Variants in STON1 observed in about 807,000 individuals in gnomAD.
STON1 encodes the protein stonin-1.
Under a neutral mutation model 60.9 loss-of-function variants are expected in STON1, and 79 were observed. The ratio of observed to expected loss-of-function variants is 1.30; its 90% CI spans 1.08 to 1.56. The LOEUF (loss-of-function observed/expected upper bound fraction) is 1.56, where lower values mean the gene tolerates loss of function less well. Among genes scored for constraint, STON1 ranks in the 40% most tolerant of loss-of-function variants. The pLI is 0.00. For synonymous variants in STON1, 363 were observed against 306.9 expected, an observed-to-expected ratio of 1.18 and a Z score of -1.91; for missense variants, 1,166 against 858.9, an observed-to-expected ratio of 1.36 and a Z score of -4.47.
At chr2:48,550,239 T>G (rs1457969079) in intron 1 of STON1, among the ~76,000 whole-genome samples, 1 of 152,102 alleles carries the variant, frequency 6.6e-6, no homozygotes, top group Non-Finnish European at 1.5e-5. Context: ...GGCTCATGCT[T>G]GTATTCCCAG....
intron 3 of STON1, among the ~76,000 whole-genome samples, chr2:48,593,366 C>T (rs899256771): frequency 2.6e-5 from 4 of 152,122 alleles, no homozygotes; most frequent in Admixed American, 6.5e-5. Flanking sequence ...CTGTCTGCCT[C>T]GGCCTCCCAA....
Position 48,595,290 on chromosome 2 carries a change from C to T in STON1, c.2196C>T (p.Cys732=). Residue 732 remains cysteine, a synonymous_variant, in exon 4 of 4, where the codon TGC becomes TGT. Transcript: ENST00000404752. ...DGEDPDKIGD[C]ITQ ...AAGACCCAGATAAAATTGGTGACTG[C>T]ATAACTCAGTAGGAGTAGCAAGAGT... The T allele has an allele frequency of 1.2e-6, 2 of 1,613,548 alleles. No individual in the cohort carries two copies. The highest frequency in any genetic ancestry group is 1.3e-5 in the African/African-American group (1 of 75,002).
intron 2 of STON1, among the ~76,000 whole-genome samples, chr2:48,590,434 C>T (rs1054881977): frequency 6.6e-6 from 1 of 152,088 alleles, no homozygotes; most frequent in Non-Finnish European, 1.5e-5. Flanking sequence ...AAGCTATATT[C>T]TGATGGAAAT....
At chr2:48,578,399 C>T (rs1170205692) in intron 1 of STON1, among the ~76,000 whole-genome samples, 4 of 152,148 alleles carry the variant, frequency 2.6e-5, no homozygotes. Context: ...AATTTGTAAA[C>T]TTTCTTAAAA....
chr2:48,588,063 A>G (rs1674313784), intron 2 of STON1, among the ~76,000 whole-genome samples: 1 of 152,162 alleles, frequency 6.6e-6, no homozygotes, highest in Non-Finnish European at 1.5e-5. Context: ...CAGAGAGGAA[A>G]TCTTTGTCCT....
intron 1 of STON1, among the ~76,000 whole-genome samples, chr2:48,535,008 C>T (rs1371864248): frequency 6.6e-6 from 1 of 152,070 alleles, no homozygotes; most frequent in Non-Finnish European, 1.5e-5. Flanking sequence ...ATTCCAGGTA[C>T]CTTATGGGAT....
intron 1 of STON1, among the ~76,000 whole-genome samples, chr2:48,532,472 A>G (rs1223343220): frequency 6.6e-6 from 1 of 150,974 alleles, no homozygotes; most frequent in Non-Finnish European, 1.5e-5. Context: ...TAAGTCCATA[A>G]ATTCTGAGCT....
chr2:48,564,520 T>TTCTTCTTCC, intron 1 of STON1, among the ~76,000 whole-genome samples: 1 of 35,592 alleles, frequency 2.8e-5, no homozygotes, highest in African/African-American at 1.1e-4. Context: ...CTTCTTCTTC[T>TTCTTCTTCC]TCTTCTTCTT....
chr2:48,586,963 T>C (rs372680439), intron 2 of STON1, among the ~76,000 whole-genome samples: 12 of 152,236 alleles, frequency 7.9e-5, no homozygotes, highest in African/African-American at 2.6e-4. Context: ...CAAGGTCAGG[T>C]GCTCTGGCTG....
intron 2 of STON1, among the ~76,000 whole-genome samples, chr2:48,585,100 T>G (rs1319903441): frequency 1.3e-5 from 2 of 152,138 alleles, no homozygotes; most frequent in Non-Finnish European, 2.9e-5. Context: ...CAAGGATAGC[T>G]CAGGCTTAGG....
In STON1 at chr2:48,580,625, A is replaced by G; in HGVS notation, c.-9A>G. On this transcript the variant is annotated 5_prime_UTR_variant, in exon 2 of 4. Coordinates refer to ENST00000404752, the MANE Select transcript of STON1 (RefSeq NM_006873.4). ...GATTTCTTGACAAGACCACAATCTG[A>G]TCCCAAAGATGTGCTCCACAAATCC... 1 of 1,346,622 alleles carries G rather than the reference A, an allele frequency of 7.4e-7. No individual in the cohort carries two copies. 83.4% of individuals were successfully genotyped at this position (1,346,622 alleles called of 1,614,324 possible).
chr2:48,564,107 G>C (rs1368778822), intron 1 of STON1, among the ~76,000 whole-genome samples: 1 of 152,112 alleles, frequency 6.6e-6, no homozygotes, highest in Non-Finnish European at 1.5e-5. Context: ...TTTCTGATAA[G>C]GATTTCTCAA....
chr2:48,590,557 A>G, intron 2 of STON1, among the ~76,000 whole-genome samples: 1 of 151,892 alleles, frequency 6.6e-6, no homozygotes. Context: ...TGGAGATGCT[A>G]TGAACAATGC....
rs749067651 is a variant in STON1, at chr2:48,591,656, T to C, written c.1934T>C (p.Leu645Pro). Residue 645 changes from leucine to proline, a missense_variant, in exon 3 of 4, where the codon CTA becomes CCA. Transcript: ENST00000404752. ...IDRLPDKNSS[L>P]DHPHCLSYKL... ...ATTTGATTTTTTTTCCCTCGAGGTC[T>C]AGATCATCCCCATTGTCTGTCATAC... 6 of 1,613,670 alleles carry C rather than the reference T, an allele frequency of 3.7e-6. No homozygotes were observed. The African/African-American group carries it at 8.0e-5, about 22-fold the overall frequency.
intron 1 of STON1, among the ~76,000 whole-genome samples, chr2:48,533,360 A>T (rs1400313748): frequency 6.6e-6 from 1 of 151,944 alleles, no homozygotes; most frequent in Non-Finnish European, 1.5e-5. Flanking sequence ...AGCCTGGGCG[A>T]CAGAGCGAGA....
chr2:48,559,386 A>G (rs1185023559), intron 1 of STON1, among the ~76,000 whole-genome samples: 1 of 152,142 alleles, frequency 6.6e-6, no homozygotes, highest in Admixed American at 6.6e-5. Context: ...TTCCTCACAG[A>G]TGGCACCTTC....
At chr2:48,574,311 G>T (rs779343277) in intron 1 of STON1, among the ~76,000 whole-genome samples, 10 of 151,952 alleles carry the variant, frequency 6.6e-5, no homozygotes, top group Non-Finnish European at 1.2e-4. Flanking sequence ...TGGAGGCAAA[G>T]GTTGCAGTGA....
At chr2:48,558,801 A>T (rs561475049) in intron 1 of STON1, among the ~76,000 whole-genome samples, 8 of 151,852 alleles carry the variant, frequency 5.3e-5, no homozygotes, top group Non-Finnish European at 1.0e-4. Flanking sequence ...CTCATTCCTA[A>T]CCTCCCAGTG....
At chr2:48,566,289 C>T (rs1458480537) in intron 1 of STON1, among the ~76,000 whole-genome samples, 1 of 152,156 alleles carries the variant, frequency 6.6e-6, no homozygotes, top group African/African-American at 2.4e-5. Context: ...GATTCTCCTG[C>T]CTCAGCTTCC....
Sources: gnomAD v4.1 joint callset for allele counts (sites outside exome capture counted in the v4.1 genomes callset) on GRCh38, gnomAD v4.1.1 for gene constraint, MANE v1.5 for transcripts, NCBI Gene and HGNC (gene_info 2026-07-23, HGNC 2026-07-21) for gene names.